RELL1: variants seen among roughly 807,000 people sequenced by gnomAD.
RELL1 encodes RELT-like protein 1.
In RELL1, 10 loss-of-function variants were observed where a neutral mutation model predicts 23.0. The observed-to-expected ratio is 0.43, with a 90% CI of 0.27 to 0.74. RELL1 has a LOEUF of 0.74. Among genes scored for constraint, RELL1 ranks in the 30% least tolerant of loss-of-function variants. RELL1 has a pLI of 0.19. For synonymous variants in RELL1, 146 were observed against 146.8 expected (o/e 0.99, Z 0.04); for missense variants, 315 against 364.4 (o/e 0.86, Z 1.10).
At chr4:37,593,812 C>A (rs1718730987) in intron 6 of RELL1, among the ~76,000 whole-genome samples, 1 of 152,114 alleles carries the variant, frequency 6.6e-6, no homozygotes, top group African/African-American at 2.4e-5. Flanking sequence ...AGTGTGACAC[C>A]AAAGGGGCTT....
At chr4:37,648,565 T>A (rs1470785221) in intron 2 of RELL1, among the ~76,000 whole-genome samples, 1 of 152,200 alleles carries the variant, frequency 6.6e-6, no homozygotes, top group African/African-American at 2.4e-5. Flanking sequence ...GAAAGAAACA[T>A]CAGTGGCGAA....
intron 1 of RELL1, among the ~76,000 whole-genome samples, chr4:37,669,238 G>GGA (rs1458772941): frequency 7.1e-6 from 1 of 140,222 alleles, no homozygotes; most frequent in Non-Finnish European, 1.5e-5. Context: ...GGGAGGTGGG[G>GGA]GTCAGCCCCC....
At chr4:37,659,154 A>G (rs77790166) in intron 1 of RELL1, among the ~76,000 whole-genome samples, 3,114 of 152,370 alleles carry the variant, frequency 0.02, 126 homozygotes, top group East Asian at 0.15. Context: ...CAGCACCACA[A>G]ATAAAAAATG....
At position 37,601,159 on chromosome 4, in the gene RELL1, T is replaced by C. The variant is rs539061804; in HGVS notation, c.*4-9942A>G. Among the ~76,000 whole-genome samples the C allele has an allele frequency of 1.2e-4, 19 of 152,304 alleles. No individual in the cohort carries two copies. The South Asian group carries it at 1.9e-3, about 15-fold the overall frequency. ...GCCATCAGGAGAACCTCAGGCCCCATAGGCTTTGCAGTTACATCTTGTACC... is the reference window on the plus strand; with the variant it reads ...GCCATCAGGAGAACCTCAGGCCCCACAGGCTTTGCAGTTACATCTTGTACC... On this transcript the variant is annotated intron_variant, in intron 6 of 6. Transcript: ENST00000314117.
Position 37,611,105 on chromosome 4 carries a change from A to T in RELL1, c.*2241T>A, listed in dbSNP as rs1007689447. Among the ~76,000 whole-genome samples, 19 of 149,012 alleles carry T rather than the reference A, an allele frequency of 1.3e-4. No homozygotes were observed. The Middle Eastern group carries it at 0.01, about 82-fold the overall frequency. ...TCTCTTGCCTGTTGTATTGCTATTT[A>T]AAAAAAAGTGCTCTGACTTGAATAA... On this transcript the variant is annotated 3_prime_UTR_variant, in exon 7 of 7. Coordinates refer to ENST00000454158, the MANE Select transcript of RELL1 (RefSeq NM_001085400.2).
At chr4:37,595,028 C>G (rs953538) in intron 6 of RELL1, among the ~76,000 whole-genome samples, 1 of 152,044 alleles carries the variant, frequency 6.6e-6, no homozygotes, top group Non-Finnish European at 1.5e-5. Flanking sequence ...ATGACGAAAA[C>G]GTAGAAATTA....
intron 4 of RELL1, among the ~76,000 whole-genome samples, chr4:37,635,725 T>C (rs1176840302): frequency 6.6e-6 from 1 of 152,254 alleles, no homozygotes; most frequent in Non-Finnish European, 1.5e-5. Context: ...TAAAGTATTA[T>C]GTTTCTTTCT....
At chr4:37,635,604 T>TG (rs1214114228) in intron 4 of RELL1, among the ~76,000 whole-genome samples, 2 of 152,192 alleles carry the variant, frequency 1.3e-5, no homozygotes, top group Non-Finnish European at 2.9e-5. Context: ...CCAGCCTGGA[T>TG]GACAGAGTGA....
chr4:37,682,346 AATT>A (rs764032206), intron 1 of RELL1, among the ~76,000 whole-genome samples: 19 of 152,216 alleles, frequency 1.2e-4, no homozygotes, highest in Non-Finnish European at 2.6e-4. Context: ...AAGTGTCCGA[AATT>A]ATTAGGAACC....
chr4:37,642,421 CAGACACG>C (rs1443497324), intron 3 of RELL1, among the ~76,000 whole-genome samples: 2 of 152,182 alleles, frequency 1.3e-5, no homozygotes, highest in Non-Finnish European at 2.9e-5. Context: ...AGCGACTACC[CAGACACG>C]ATTCAGTTCG....
At chr4:37,645,366 T>C (rs1309571373) in intron 3 of RELL1, among the ~76,000 whole-genome samples, 1 of 152,244 alleles carries the variant, frequency 6.6e-6, no homozygotes, top group Non-Finnish European at 1.5e-5. Flanking sequence ...GACATAGTCA[T>C]GCATTGCTTG....
intron 1 of RELL1, among the ~76,000 whole-genome samples, chr4:37,652,035 T>C (rs1056718069): frequency 2.0e-5 from 3 of 151,620 alleles, no homozygotes; most frequent in African/African-American, 7.3e-5. Context: ...AGCCAGGAGG[T>C]CCCCAGTTTA....
chr4:37,616,855 G>A (rs956690653), intron 6 of RELL1, among the ~76,000 whole-genome samples: 1 of 152,166 alleles, frequency 6.6e-6, no homozygotes. Flanking sequence ...TTACACGCTT[G>A]CAGGTTATGA....
downstream of RELL1, chr4:37,590,725 G>A: frequency 1.2e-6 from 2 of 1,614,144 alleles, no homozygotes; most frequent in Middle Eastern, 1.6e-4. Context: ...TCAGCCCCCA[G>A]TGGGGGAGCA....
chr4:37,652,992 T>C (rs1721003726), intron 1 of RELL1, among the ~76,000 whole-genome samples: 1 of 152,090 alleles, frequency 6.6e-6, no homozygotes, highest in Non-Finnish European at 1.5e-5. Flanking sequence ...GTTAAAAGGA[T>C]CAAAATGAGT....
intron 3 of RELL1, among the ~76,000 whole-genome samples, chr4:37,647,158 A>AG: frequency 6.6e-6 from 1 of 152,348 alleles, no homozygotes; most frequent in South Asian, 2.1e-4. Flanking sequence ...CAGCGCCTCC[A>AG]GGGCTGGGTC....
rs976253217 is a variant in RELL1 at position 37,612,364 on chromosome 4, A to T, written c.*982T>A. ...CAAAAAAAAACAAAAAACCGGGTGCAGTGGCCCACGCCTATATTCCCAGCA... is the reference window on the plus strand; with the variant it reads ...CAAAAAAAAACAAAAAACCGGGTGCTGTGGCCCACGCCTATATTCCCAGCA... On this transcript the variant is annotated 3_prime_UTR_variant, in exon 7 of 7. Coordinates refer to ENST00000454158, the MANE Select transcript of RELL1 (RefSeq NM_001085400.2). Among the ~76,000 whole-genome samples the T allele has an allele frequency of 2.9e-4, 43 of 150,354 alleles. No individual in the cohort carries two copies. In the South Asian group the frequency reaches 4.4e-3, roughly 15 times the overall value.
chr4:37,609,824 T>C (rs1379676670), downstream of RELL1, among the ~76,000 whole-genome samples: 1 of 152,170 alleles, frequency 6.6e-6, no homozygotes. Flanking sequence ...AAAACTTGAA[T>C]AGATGAGGAA....
downstream of RELL1, chr4:37,590,188 T>A: frequency 6.2e-7 from 1 of 1,614,114 alleles, no homozygotes; most frequent in Non-Finnish European, 8.5e-7. Context: ...AAAAGGCAAA[T>A]GGAGCAGTGA....
Sources: allele counts gnomAD v4.1 joint callset (sites outside exome capture counted in the v4.1 genomes callset), GRCh38; gene constraint gnomAD v4.1.1; transcripts MANE v1.5; gene names NCBI Gene and HGNC (gene_info 2026-07-23, HGNC 2026-07-21).